The following DGKB variants were observed in gnomAD, a reference collection of about 807,000 sequenced individuals.
DGKB encodes the protein 90 kDa diacylglycerol kinase.
DGKB carries 67 observed loss-of-function variants against 114.3 expected under a neutral mutation model. The observed-to-expected ratio is 0.59, with a 90% CI of 0.48 to 0.72. The LOEUF is 0.72. Ranked by LOEUF, DGKB falls within the 30% of genes least tolerant of loss-of-function variation. The pLI, the probability that DGKB is intolerant of heterozygous loss-of-function variation, is 0.00. For missense variants in DGKB, 907 were observed against 975.2 expected, an observed-to-expected ratio of 0.93 and a Z score of 0.93; for synonymous variants, 398 against 323.1, an observed-to-expected ratio of 1.23 and a Z score of -2.49.
At chr7:14,959,454 A>C (rs1786715531) in intron 1 of DGKB, among the ~76,000 whole-genome samples, 1 of 151,814 alleles carries the variant, frequency 6.6e-6, no homozygotes, top group Non-Finnish European at 1.5e-5. Context: ...TTGTTCCTTC[A>C]ATCTGACATC....
At chr7:14,818,430 T>C (rs1237888313) in intron 2 of DGKB, among the ~76,000 whole-genome samples, 1 of 151,728 alleles carries the variant, frequency 6.6e-6, no homozygotes, top group African/African-American at 2.4e-5. Flanking sequence ...GAGTGATAAA[T>C]AGCCAGGCTG....
chr7:14,885,197 A>C (rs996491056), intron 1 of DGKB, among the ~76,000 whole-genome samples: 1 of 151,970 alleles, frequency 6.6e-6, no homozygotes, highest in African/African-American at 2.4e-5. Context: ...GAATATCTAC[A>C]TGTAACTGAA....
chr7:14,244,262 A>C (rs6960036), intron 23 of DGKB, among the ~76,000 whole-genome samples: 119,650 of 152,082 alleles, frequency 0.79, 47,868 homozygotes, highest in Non-Finnish European at 0.86. Context: ...CTCAAAATTT[A>C]TTCTTTCATA....
intron 23 of DGKB, among the ~76,000 whole-genome samples, chr7:14,316,081 C>T (rs1286314071): frequency 6.7e-6 from 1 of 150,364 alleles, no homozygotes; most frequent in Non-Finnish European, 1.5e-5. Flanking sequence ...TTCTTTGAAA[C>T]CAACGAGAAC....
chr7:14,281,593 T>A (rs1212178497), intron 23 of DGKB, among the ~76,000 whole-genome samples: 2 of 147,300 alleles, frequency 1.4e-5, no homozygotes, highest in Non-Finnish European at 3.0e-5. Context: ...TATTCCAAAA[T>A]TGACCACATA....
chr7:14,274,974 T>C (rs1798786750), intron 23 of DGKB, among the ~76,000 whole-genome samples: 2 of 145,472 alleles, frequency 1.4e-5, no homozygotes, highest in African/African-American at 5.0e-5. Flanking sequence ...TGTGTGTGTG[T>C]TTGTGTGTGC....
At chr7:14,578,680 A>G (rs1030424311) in intron 19 of DGKB, among the ~76,000 whole-genome samples, 1 of 152,188 alleles carries the variant, frequency 6.6e-6, no homozygotes, top group African/African-American at 2.4e-5. Flanking sequence ...TTATTATGCA[A>G]TTGGGACAAC....
At chr7:14,749,810 T>C (rs1158610859) in intron 4 of DGKB, among the ~76,000 whole-genome samples, 1 of 152,170 alleles carries the variant, frequency 6.6e-6, no homozygotes, top group African/African-American at 2.4e-5. Context: ...ATATATAATT[T>C]CAATTAATAA....
At chr7:14,243,174 G>C (rs1187608617) in intron 23 of DGKB, among the ~76,000 whole-genome samples, 1 of 152,076 alleles carries the variant, frequency 6.6e-6, no homozygotes, top group African/African-American at 2.4e-5. Context: ...GAAAAGGGGA[G>C]ACTGAAGTGA....
Position 14,149,074 on chromosome 7 carries a change from A to G in DGKB, c.*57T>C, listed in dbSNP as rs1476171234. The G allele has an allele frequency of 8.5e-6, 12 of 1,416,964 alleles. No homozygotes were observed. In the East Asian group the frequency reaches 2.5e-4, roughly 30 times the overall value. The allele number at this position is 1,416,964 out of a possible 1,614,324, so 87.8% of individuals were successfully genotyped here. A position where few individuals can be genotyped will look rare whatever the true frequency, so the allele number is the denominator to read the frequency against. On this transcript the variant is annotated 3_prime_UTR_variant, in exon 26 of 26. Coordinates refer to ENST00000402815, the MANE Select transcript of DGKB (RefSeq NM_001350709.2). Reference sequence around the variant, plus strand: ...GAAATGGTTCAAAGATTTCCAGCATATGTGTTCCATGGCCCAATTATGCTA... The same window carrying G: ...GAAATGGTTCAAAGATTTCCAGCATGTGTGTTCCATGGCCCAATTATGCTA...
chr7:14,218,965 C>G (rs1003617273), intron 23 of DGKB, among the ~76,000 whole-genome samples: 60 of 151,910 alleles, frequency 3.9e-4, no homozygotes, highest in Non-Finnish European at 1.5e-4. Context: ...TAATGATCTA[C>G]TTTCTGCCTC....
At chr7:14,911,060 C>A (rs899095840) in intron 1 of DGKB, among the ~76,000 whole-genome samples, 1 of 151,878 alleles carries the variant, frequency 6.6e-6, no homozygotes, top group Non-Finnish European at 1.5e-5. Flanking sequence ...CTGTATACAG[C>A]CATTAACTCA....
At chr7:14,567,613 A>ATG (rs1797778429) in intron 20 of DGKB, among the ~76,000 whole-genome samples, 1 of 123,552 alleles carries the variant, frequency 8.1e-6, no homozygotes, top group African/African-American at 3.2e-5. Context: ...ATATATATAT[A>ATG]TCTTTTTTAT....
At chr7:14,917,762 T>C (rs926544266) in intron 1 of DGKB, among the ~76,000 whole-genome samples, 2 of 151,948 alleles carry the variant, frequency 1.3e-5, no homozygotes, top group East Asian at 3.9e-4. Context: ...ACTTCCCAAC[T>C]CATTCTATGA....
At chr7:14,429,258 G>A (rs1210456123) in intron 21 of DGKB, among the ~76,000 whole-genome samples, 1 of 152,054 alleles carries the variant, frequency 6.6e-6, no homozygotes, top group African/African-American at 2.4e-5. Context: ...CTTGAGGATG[G>A]AGCCCTCATG....
chr7:14,584,954 C>T (rs1041732907), intron 17 of DGKB, among the ~76,000 whole-genome samples: 10 of 152,042 alleles, frequency 6.6e-5, no homozygotes, highest in East Asian at 1.9e-4. Flanking sequence ...GCCACCTTGC[C>T]GGGCGAGATG....
intron 21 of DGKB, among the ~76,000 whole-genome samples, chr7:14,345,893 T>G (rs1812394407): frequency 6.6e-6 from 1 of 151,650 alleles, no homozygotes; most frequent in Non-Finnish European, 1.5e-5. Context: ...ATTTATTTTC[T>G]TCTATGACTT....
chr7:14,368,454 GA>G (rs1817069373), intron 21 of DGKB, among the ~76,000 whole-genome samples: 4 of 152,138 alleles, frequency 2.6e-5, no homozygotes, highest in Admixed American at 2.6e-4. Flanking sequence ...GTGGCACACA[GA>G]AAGTGCCCAC....
At chr7:14,574,517 T>A in intron 19 of DGKB, 145 bp from the exon 20 acceptor site, 1 of 668,690 alleles carries the variant, frequency 1.5e-6, no homozygotes, top group Non-Finnish European at 2.5e-6. Flanking sequence ...AATGAAGAAT[T>A]AATTATAAGA....
Sources: allele counts gnomAD v4.1 joint callset (sites outside exome capture counted in the v4.1 genomes callset), GRCh38; gene constraint gnomAD v4.1.1; transcripts MANE v1.5; gene names NCBI Gene and HGNC (gene_info 2026-07-23, HGNC 2026-07-21).